The following FCHSD2 variants were observed in gnomAD, a reference collection of about 807,000 sequenced individuals.
The protein encoded by FCHSD2 is F-BAR and double SH3 domains protein 2.
FCHSD2 carries 38 observed loss-of-function variants against 108.1 expected under a neutral mutation model. The observed-to-expected ratio is 0.35, with a 90% CI of 0.27 to 0.46. FCHSD2 has a LOEUF of 0.46. FCHSD2 is among the 20% of genes least tolerant of loss of function. FCHSD2 has a pLI of 1.00. For synonymous variants in FCHSD2, 279 were observed against 314.7 expected, an observed-to-expected ratio of 0.89 and a Z score of 1.20; for missense variants, 751 against 897.8, an observed-to-expected ratio of 0.84 and a Z score of 2.09.
intron 3 of FCHSD2, among the ~76,000 whole-genome samples, chr11:73,033,713 A>G (rs1476247772): frequency 6.6e-6 from 1 of 152,244 alleles, no homozygotes; most frequent in Non-Finnish European, 1.5e-5. Context: ...CAATAGTAAA[A>G]AGACCAGGAC....
intron 6 of FCHSD2, 32 bp downstream of exon 6, chr11:72,988,932 A>G: frequency 1.3e-6 from 2 of 1,570,564 alleles, no homozygotes; most frequent in Non-Finnish European, 1.7e-6. Context: ...TTATTTGCAT[A>G]ATAATTTTCT....
intron 13 of FCHSD2, among the ~76,000 whole-genome samples, chr11:72,861,654 G>T (rs1025907596): frequency 5.9e-5 from 9 of 152,184 alleles, no homozygotes; most frequent in African/African-American, 2.2e-4. Context: ...GATAGGCCGG[G>T]CGCGCTGGCT....
At chr11:73,006,681 T>C (rs1857747700) in intron 4 of FCHSD2, among the ~76,000 whole-genome samples, 1 of 152,262 alleles carries the variant, frequency 6.6e-6, no homozygotes, top group Non-Finnish European at 1.5e-5. Context: ...GCCCTCTGTA[T>C]TCTCCCTACT....
At chr11:72,867,792 T>A (rs925067156) in intron 13 of FCHSD2, 73 bp downstream of exon 13, 25 of 1,377,138 alleles carry the variant, frequency 1.8e-5, no homozygotes, top group Non-Finnish European at 2.4e-5. Context: ...TTGGCTATTA[T>A]TAAGTTTGAC....
chr11:72,929,467 T>G (rs1028606285), intron 8 of FCHSD2, among the ~76,000 whole-genome samples: 1 of 152,228 alleles, frequency 6.6e-6, no homozygotes, highest in Admixed American at 6.5e-5. Flanking sequence ...GGTGGATTAT[T>G]GCTAGTGTGC....
At chr11:73,072,195 G>A in intron 3 of FCHSD2, among the ~76,000 whole-genome samples, 1 of 150,802 alleles carries the variant, frequency 6.6e-6, no homozygotes, top group Non-Finnish European at 1.5e-5. Flanking sequence ...GTTTTATCCT[G>A]GCCTAACCAC....
At position 72,842,753 on chromosome 11, in the gene FCHSD2, G is replaced by T; in HGVS notation, c.1794C>A (p.Asn598Lys). ...FPEGAIIRIL[N>K]KENQDDDGFW... Reference sequence around the variant, plus strand: ...AGCCATCATCATCTTGGTTTTCTTTGTTCAAGATACGGATTATTGCTCCCT... The same window carrying T: ...AGCCATCATCATCTTGGTTTTCTTTTTTCAAGATACGGATTATTGCTCCCT... The change falls in exon 17 of 20, where the codon AAC (asparagine) becomes AAA (lysine). Residue 598 changes from asparagine to lysine, a missense_variant. Asn to Lys is a moderately conservative substitution (Grantham distance 94, BLOSUM62 0). Transcript: ENST00000409418. 6.2e-7 allele frequency: 1 copy of T among 1,613,858 alleles called. No homozygotes were observed. The highest frequency in any genetic ancestry group is 8.5e-7 in the Non-Finnish European group (1 of 1,179,868).
At chr11:73,141,699 C>T (rs550317500) in intron 1 of FCHSD2, among the ~76,000 whole-genome samples, 158 bp downstream of exon 1, 24 of 152,294 alleles carry the variant, frequency 1.6e-4, no homozygotes, top group African/African-American at 5.3e-4. Flanking sequence ...AACTCACACG[C>T]GCGCCCCCCA....
Position 73,120,797 on chromosome 11 carries a change from C to T in FCHSD2, c.119+19234G>A, listed in dbSNP as rs189903723. On this transcript the variant is annotated intron_variant, in intron 2 of 19. Coordinates refer to ENST00000409418, the MANE Select transcript of FCHSD2 (RefSeq NM_014824.3). ...ATGAAGATAAAAGACAGTCTTGCTC[C>T]GAAAAAGCTCACAGTCTGGAGGTGA... is the stretch of plus-strand genomic sequence containing the variant. Among the ~76,000 whole-genome samples the T allele has an allele frequency of 8.8e-5, 13 of 147,582 alleles. 1 individual carries two copies. The highest frequency in any genetic ancestry group is 2.0e-4 in the East Asian group (1 of 5,050).
chr11:72,942,921 G>A (rs1449203361), intron 8 of FCHSD2, among the ~76,000 whole-genome samples: 3 of 152,080 alleles, frequency 2.0e-5, no homozygotes, highest in Non-Finnish European at 4.4e-5. Context: ...AGGACTACAG[G>A]TGCATACTTC....
intron 3 of FCHSD2, among the ~76,000 whole-genome samples, chr11:73,049,861 C>T (rs1353896584): frequency 2.1e-5 from 3 of 143,264 alleles, no homozygotes; most frequent in Non-Finnish European, 3.2e-5. Flanking sequence ...ATTAAAAGCA[C>T]AAAAGGACCA....
At chr11:72,894,742 A>G (rs1039294040) in intron 10 of FCHSD2, among the ~76,000 whole-genome samples, 1 of 152,134 alleles carries the variant, frequency 6.6e-6, no homozygotes, top group African/African-American at 2.4e-5. Context: ...ATTTTTTGGT[A>G]AGTTTGGAGC....
chr11:73,107,488 T>C (rs1237821032), intron 2 of FCHSD2, among the ~76,000 whole-genome samples: 2 of 152,182 alleles, frequency 1.3e-5, no homozygotes, highest in East Asian at 1.9e-4. Flanking sequence ...CATTTACGCT[T>C]TGTGTTACAA....
intron 14 of FCHSD2, among the ~76,000 whole-genome samples, chr11:72,847,575 C>T (rs1372176630): frequency 2.6e-5 from 4 of 151,882 alleles, no homozygotes; most frequent in South Asian, 2.1e-4. Context: ...TAAAGCAGTA[C>T]TATATGAAAG....
At chr11:72,855,774 T>C (rs1039263696) in intron 13 of FCHSD2, among the ~76,000 whole-genome samples, 1 of 152,124 alleles carries the variant, frequency 6.6e-6, no homozygotes, top group East Asian at 1.9e-4. Flanking sequence ...GTCCGTGATA[T>C]AGTGAATATA....
intron 9 of FCHSD2, among the ~76,000 whole-genome samples, chr11:72,908,722 A>G (rs1855686006): frequency 6.6e-6 from 1 of 152,200 alleles, no homozygotes; most frequent in African/African-American, 2.4e-5. Flanking sequence ...GCTAGAGTGC[A>G]GTGGCACAAT....
At chr11:72,938,045 A>G (rs749885140) in intron 8 of FCHSD2, among the ~76,000 whole-genome samples, 41 of 152,230 alleles carry the variant, frequency 2.7e-4, no homozygotes, top group Non-Finnish European at 4.3e-4. Flanking sequence ...ATGAATTGAG[A>G]TAGGAGGAAA....
intron 8 of FCHSD2, among the ~76,000 whole-genome samples, chr11:72,947,982 G>A (rs912263289): frequency 1.3e-5 from 2 of 152,168 alleles, no homozygotes; most frequent in African/African-American, 4.8e-5. Flanking sequence ...GACATCGTTT[G>A]GGTATCATAC....
chr11:73,094,884 C>A (rs759123336), intron 2 of FCHSD2, among the ~76,000 whole-genome samples: 3 of 152,018 alleles, frequency 2.0e-5, no homozygotes, highest in Admixed American at 2.0e-4. Context: ...ACGAGGCAAG[C>A]GGAACGAACA....
Sources: allele counts gnomAD v4.1 joint callset (sites outside exome capture counted in the v4.1 genomes callset), GRCh38; gene constraint gnomAD v4.1.1; transcripts MANE v1.5; gene names NCBI Gene and HGNC (gene_info 2026-07-23, HGNC 2026-07-21).